Variants in CTNNA2 observed in about 807,000 individuals in gnomAD.
The protein encoded by CTNNA2 is catenin alpha-2.
CTNNA2 carries 42 observed loss-of-function variants against 101.0 expected under a neutral mutation model. That is an observed-to-expected ratio of 0.42 (90% CI 0.32 to 0.54). The LOEUF is 0.54. Among genes scored for constraint, CTNNA2 ranks in the 20% least tolerant of loss-of-function variants. CTNNA2 has a pLI of 0.14. For synonymous variants in CTNNA2, 450 were observed against 456.4 expected, an observed-to-expected ratio of 0.99 and a Z score of 0.18; for missense variants, 871 against 1,223.1, an observed-to-expected ratio of 0.71 and a Z score of 4.29.
intron 1 of CTNNA2, among the ~76,000 whole-genome samples, chr2:79,572,328 ATAAGT>A (rs1230649191): frequency 2.0e-5 from 3 of 152,186 alleles, no homozygotes; most frequent in African/African-American, 7.2e-5. Flanking sequence ...TTTGAGAAAA[ATAAGT>A]TAAGCTGAAA....
intron 9 of CTNNA2, among the ~76,000 whole-genome samples, chr2:80,447,904 G>A (rs1683199421): frequency 6.6e-6 from 1 of 152,196 alleles, no homozygotes; most frequent in African/African-American, 2.4e-5. Flanking sequence ...TCCAAGGAGA[G>A]GGCCAGGGTG....
rs145258423 is a variant in CTNNA2 at position 80,414,589 on chromosome 2, G to A, written c.1138-4860G>A. Among the ~76,000 whole-genome samples the A allele has an allele frequency of 2.1e-3, 313 of 152,198 alleles. 1 individual carries two copies. The highest frequency in any genetic ancestry group is 6.4e-3 in the African/African-American group (265 of 41,536). Reference sequence around the variant, plus strand: ...TTCAAAGAATACTTTCCTCCCGACCGCTACCTCCTGTACTCTTGCAACTAG... The same window carrying A: ...TTCAAAGAATACTTTCCTCCCGACCACTACCTCCTGTACTCTTGCAACTAG... On this transcript the variant is annotated intron_variant, in intron 8 of 18. Transcript: ENST00000402739.
chr2:79,982,520 T>C (rs57820575), intron 7 of CTNNA2, among the ~76,000 whole-genome samples: 3,638 of 148,542 alleles, frequency 0.024, 150 homozygotes, highest in African/African-American at 0.084. Context: ...CACACACACA[T>C]ATATATATTT....
intron 1 of CTNNA2, chr2:79,573,866 T>A (rs17017285): frequency 6.6e-6 from 1 of 152,134 alleles, no homozygotes; most frequent in East Asian, 1.9e-4. Flanking sequence ...CTACCAGAAA[T>A]TTTTGGATGT....
At chr2:79,499,133 C>T (rs956148939) in intron 4 of CTNNA2, 13 of 152,140 alleles carry the variant, frequency 8.5e-5, no homozygotes, top group African/African-American at 3.1e-4. Flanking sequence ...ATAACAAAGA[C>T]CATCAACTTC....
intron 7 of CTNNA2, among the ~76,000 whole-genome samples, chr2:79,965,423 A>G (rs1332568942): frequency 6.6e-6 from 1 of 152,220 alleles, no homozygotes; most frequent in African/African-American, 2.4e-5. Context: ...GAGCTCTACC[A>G]TAAAAATTTG....
At chr2:79,260,160 G>T (rs755621213) in intron 2 of CTNNA2, among the ~76,000 whole-genome samples, 2 of 152,076 alleles carry the variant, frequency 1.3e-5, no homozygotes, top group Non-Finnish European at 2.9e-5. Context: ...GGTGGAAGGT[G>T]TTCTAAGTGG....
chr2:79,456,424 A>G (rs756389574), intron 4 of CTNNA2, among the ~76,000 whole-genome samples: 48 of 152,158 alleles, frequency 3.2e-4, no homozygotes, highest in Non-Finnish European at 6.3e-4. Flanking sequence ...CACGAATTCA[A>G]TGCACAAATA....
intron 5 of CTNNA2, among the ~76,000 whole-genome samples, chr2:79,870,781 C>G (rs375437869): frequency 6.6e-6 from 1 of 152,058 alleles, no homozygotes; most frequent in African/African-American, 2.4e-5. Flanking sequence ...AACCATCAGA[C>G]CCCCGTGGGA....
At chr2:79,445,228 G>T (rs530290284) in intron 4 of CTNNA2, among the ~76,000 whole-genome samples, 22 of 152,140 alleles carry the variant, frequency 1.4e-4, no homozygotes, top group African/African-American at 5.3e-4. Flanking sequence ...GAAGATTTTT[G>T]ACTTACAAAG....
At chr2:79,594,973 G>T (rs527591340) in intron 1 of CTNNA2, among the ~76,000 whole-genome samples, 3 of 150,968 alleles carry the variant, frequency 2.0e-5, no homozygotes, top group African/African-American at 7.3e-5. Flanking sequence ...TTTTTTGAAA[G>T]ATTGTGTTTC....
chr2:80,522,018 CAACCT>C (rs1295829761), intron 9 of CTNNA2, among the ~76,000 whole-genome samples: 3 of 152,180 alleles, frequency 2.0e-5, no homozygotes, highest in Admixed American at 6.5e-5. Flanking sequence ...AGTGGTTTCT[CAACCT>C]AACAGTTACA....
chr2:79,500,549 A>C (rs1671307955), intron 4 of CTNNA2: 1 of 152,206 alleles, frequency 6.6e-6, no homozygotes, highest in East Asian at 1.9e-4. Context: ...TATTGGCTAC[A>C]GTGTGTATTT....
At chr2:80,170,663 A>G (rs951541869) in intron 7 of CTNNA2, among the ~76,000 whole-genome samples, 5 of 152,218 alleles carry the variant, frequency 3.3e-5, no homozygotes, top group Admixed American at 6.5e-5. Context: ...ATCCGATGAA[A>G]TAATATGCAA....
chr2:79,519,228 CAA>C (rs35330716), intron 1 of CTNNA2, among the ~76,000 whole-genome samples: 10 of 50,806 alleles, frequency 2.0e-4, no homozygotes, highest in Admixed American at 4.2e-4. Context: ...GACTCCGTCT[CAA>C]AAAAAAAAAA....
intron 7 of CTNNA2, among the ~76,000 whole-genome samples, chr2:80,093,178 T>C (rs367797892): frequency 1.3e-5 from 2 of 151,796 alleles, no homozygotes; most frequent in Non-Finnish European, 2.9e-5. Context: ...CAACAGTCCC[T>C]GGTGTGTGAT....
intron 2 of CTNNA2, among the ~76,000 whole-genome samples, chr2:79,722,853 T>C (rs1401350334): frequency 6.6e-6 from 1 of 152,170 alleles, no homozygotes; most frequent in East Asian, 1.9e-4. Flanking sequence ...ATCCAGGTTG[T>C]GACAGATCAT....
At chr2:80,210,748 G>T (rs1294372168) in intron 7 of CTNNA2, among the ~76,000 whole-genome samples, 1 of 152,268 alleles carries the variant, frequency 6.6e-6, no homozygotes, top group Non-Finnish European at 1.5e-5. Flanking sequence ...GCATGGCTGG[G>T]TCAAATGGTA....
intron 7 of CTNNA2, among the ~76,000 whole-genome samples, chr2:80,080,700 T>G (rs1699079611): frequency 6.6e-6 from 1 of 152,198 alleles, no homozygotes; most frequent in African/African-American, 2.4e-5. Flanking sequence ...GGATCTTTCC[T>G]ATTTGTAGCA....
Sources: allele counts gnomAD v4.1 joint callset (sites outside exome capture counted in the v4.1 genomes callset), GRCh38; gene constraint gnomAD v4.1.1; transcripts MANE v1.5; gene names NCBI Gene and HGNC (gene_info 2026-07-23, HGNC 2026-07-21).